TLCD3A: variants seen among roughly 807,000 people sequenced by gnomAD.
TLCD3A encodes TLC domain-containing protein 3A.
Under a neutral mutation model 29.9 loss-of-function variants are expected in TLCD3A, and 17 were observed. The observed-to-expected ratio is 0.57, with a 90% CI of 0.39 to 0.85. The LOEUF (loss-of-function observed/expected upper bound fraction) is 0.85. TLCD3A is among the 40% of genes least tolerant of loss of function. The pLI, the probability that TLCD3A is intolerant of heterozygous loss-of-function variation, is 0.00. For synonymous variants in TLCD3A, 143 were observed against 147.7 expected (o/e 0.97, Z 0.23); for missense variants, 332 against 350.8 (o/e 0.95, Z 0.43).
At chr17:740,247 C>T (rs1000767316) in intron 3 of TLCD3A, among the ~76,000 whole-genome samples, 1 of 152,124 alleles carries the variant, frequency 6.6e-6, no homozygotes, top group Admixed American at 6.5e-5. Flanking sequence ...AGTAGGCTTG[C>T]AGCCTTCCTT....
chr17:735,932 G>A (rs999902515), intron 2 of TLCD3A, among the ~76,000 whole-genome samples: 11 of 142,968 alleles, frequency 7.7e-5, no homozygotes, highest in Admixed American at 2.2e-4. Flanking sequence ...CTGAGATCGC[G>A]CCACTACATC....
intron 2 of TLCD3A, 109 bp downstream of exon 2, chr17:733,290 C>A: frequency 9.5e-7 from 1 of 1,053,822 alleles, no homozygotes; most frequent in Non-Finnish European, 1.3e-6. Context: ...GAAAAGCTGG[C>A]ACCACAATGG....
chr17:740,741 A>T (rs1182055702), intron 4 of TLCD3A, 141 bp downstream of exon 4: 1 of 854,728 alleles, frequency 1.2e-6, no homozygotes, highest in African/African-American at 1.7e-5. Context: ...TCAGGCATGT[A>T]TGAATGAATG....
intron 2 of TLCD3A, among the ~76,000 whole-genome samples, chr17:736,422 C>T (rs896905297): frequency 1.3e-5 from 2 of 152,174 alleles, no homozygotes; most frequent in Admixed American, 1.3e-4. Context: ...TCACAGAAAA[C>T]ATCTGTGGAA....
At chr17:733,247 C>T (rs1974104652) in intron 2 of TLCD3A, 66 bp downstream of exon 2, 4 of 1,376,048 alleles carry the variant, frequency 2.9e-6, no homozygotes, top group African/African-American at 1.5e-5. Flanking sequence ...CTCTGGCTCT[C>T]GCAGCACACG....
intron 3 of TLCD3A, among the ~76,000 whole-genome samples, chr17:738,949 T>G (rs1231370442): frequency 6.6e-6 from 1 of 151,632 alleles, no homozygotes; most frequent in Non-Finnish European, 1.5e-5. Flanking sequence ...CAATACAAGA[T>G]AAAAACAATA....
In TLCD3A at chr17:732,711, G is replaced by A. The variant is rs773825578; in HGVS notation, c.64G>A (p.Ala22Thr). 4 of 1,440,798 alleles carry A rather than the reference G, an allele frequency of 2.8e-6. No individual in the cohort carries two copies. The highest frequency in any genetic ancestry group is 3.0e-5 in the African/African-American group (2 of 67,538). 89.3% of individuals were successfully genotyped at this position (1,440,798 alleles called of 1,614,324 possible). A position where few individuals can be genotyped will look rare whatever the true frequency, so the allele number is the denominator to read the frequency against. Residue 22 changes from alanine (A) to threonine (T), a missense_variant, in exon 1 of 5, where the codon GCG becomes ACG. Physicochemically the swap from Ala to Thr is moderately conservative, Grantham distance 58. Coordinates refer to ENST00000308278, the MANE Select transcript of TLCD3A (RefSeq NM_024792.3). ...GGGGCTCTTCGCGCTCTGCACCTGG[G>A]CGCTGCGCCGCTCCCAGCCCGGATG... ...FPGLFALCTW[A>T]LRRSQPGWSR...
intron 2 of TLCD3A, among the ~76,000 whole-genome samples, chr17:736,313 G>A (rs1597542915): frequency 6.6e-6 from 1 of 152,264 alleles, no homozygotes; most frequent in South Asian, 2.1e-4. Context: ...ACCATAAAAC[G>A]AAATGGTTTT....
At chr17:734,697 T>G (rs1370614252) in intron 2 of TLCD3A, among the ~76,000 whole-genome samples, 1 of 152,138 alleles carries the variant, frequency 6.6e-6, no homozygotes, top group Non-Finnish European at 1.5e-5. Context: ...TCACATAGAA[T>G]GCGATTAGAT....
At chr17:736,909 C>T (rs765867550) in intron 2 of TLCD3A, among the ~76,000 whole-genome samples, 1 of 152,206 alleles carries the variant, frequency 6.6e-6, no homozygotes, top group Non-Finnish European at 1.5e-5. Context: ...CTGCCTTGGC[C>T]TCCCAAAGTG....
chr17:741,894 G>C lies in TLCD3A; in HGVS notation c.*324G>C, dbSNP rs79800777. 1,465 of 389,444 alleles carry C rather than the reference G, an allele frequency of 3.8e-3. 32 individuals are homozygous for C. The East Asian group carries it at 0.055, about 15-fold the overall frequency. 24.1% of individuals were successfully genotyped at this position (389,444 alleles called of 1,614,324 possible). A position where few individuals can be genotyped will look rare whatever the true frequency, so the allele number is the denominator to read the frequency against. On this transcript the variant is annotated 3_prime_UTR_variant, in exon 5 of 5. Transcript: ENST00000308278. ...GGGGTGGGATCGGTGGACCAGGGTG[G>C]TAAGTGTCTGCACATCTGCCTGTCC...
intron 4 of TLCD3A, 61 bp from the exon 5 acceptor site, chr17:741,240 G>C: frequency 7.0e-6 from 11 of 1,580,166 alleles, no homozygotes; most frequent in Non-Finnish European, 9.5e-6. Flanking sequence ...ACTTGGGCCC[G>C]TCGCTCCCTG....
chr17:740,528 C>T lies in TLCD3A; in HGVS notation c.432C>T (p.Asp144=). The T allele has an allele frequency of 1.1e-5, 17 of 1,614,128 alleles. No homozygotes were observed. The highest frequency in any genetic ancestry group is 1.3e-5 in the Non-Finnish European group (15 of 1,179,994). ...AGAGGCTCCGGGGAGACCTTGGGGACTTCTTTGTCGGCTGCATCTTCACGG... is the reference window on the plus strand; with the variant it reads ...AGAGGCTCCGGGGAGACCTTGGGGATTTCTTTGTCGGCTGCATCTTCACGG... ...VAQRLRGDLG[D]FFVGCIFTAE... is the part of the protein sequence containing the mutation. Residue 144 remains aspartate, a synonymous_variant, in exon 4 of 5, where the codon GAC becomes GAT. Coordinates refer to ENST00000308278, the MANE Select transcript of TLCD3A (RefSeq NM_024792.3).
At chr17:739,593 C>T (rs1974217066) in intron 3 of TLCD3A, among the ~76,000 whole-genome samples, 1 of 152,254 alleles carries the variant, frequency 6.6e-6, no homozygotes, top group South Asian at 2.1e-4. Flanking sequence ...CCGTCTCAGC[C>T]TCCCAAAGTG....
intron 4 of TLCD3A, among the ~76,000 whole-genome samples, chr17:740,867 T>G (rs1974242695): frequency 6.6e-6 from 1 of 152,192 alleles, no homozygotes. Context: ...AAATCCCTAG[T>G]GCCAGGAGAG....
In TLCD3A at chr17:741,790, G is replaced by A. The variant is rs986238198; in HGVS notation, c.*220G>A. 20 of 590,922 alleles carry A rather than the reference G, an allele frequency of 3.4e-5. No individual in the cohort carries two copies. The highest frequency in any genetic ancestry group is 2.6e-4 in the East Asian group (9 of 34,254). The allele number at this position is 590,922 out of a possible 1,614,324, so 36.6% of individuals were successfully genotyped here. A position where few individuals can be genotyped will look rare whatever the true frequency, so the allele number is the denominator to read the frequency against. ...CTATTGGGTCCTGTCAGACCTCCACGGACAGCAAAGTGGTTTTAATGCAAG... is the reference window on the plus strand; with the variant it reads ...CTATTGGGTCCTGTCAGACCTCCACAGACAGCAAAGTGGTTTTAATGCAAG... On this transcript the variant is annotated 3_prime_UTR_variant, in exon 5 of 5. Coordinates refer to ENST00000308278, the MANE Select transcript of TLCD3A (RefSeq NM_024792.3).
At chr17:736,038 T>C (rs1974149733) in intron 2 of TLCD3A, among the ~76,000 whole-genome samples, 1 of 148,870 alleles carries the variant, frequency 6.7e-6, no homozygotes, top group East Asian at 2.0e-4. Context: ...CCTACAAGTG[T>C]GTTATACTTG....
intron 2 of TLCD3A, among the ~76,000 whole-genome samples, chr17:735,817 A>C (rs1567769634): frequency 6.6e-6 from 1 of 151,894 alleles, no homozygotes; most frequent in Non-Finnish European, 1.5e-5. Context: ...AAAGAAAAAA[A>C]AAAAGAAAAT....
In TLCD3A at chr17:737,874, T is replaced by C. The variant is rs1035629452; in HGVS notation, c.235T>C (p.Phe79Leu). The C allele has an allele frequency of 7.4e-6, 12 of 1,614,032 alleles. No individual in the cohort carries two copies. The African/African-American group carries it at 1.6e-4, about 22-fold the overall frequency. The stretch of plus-strand genomic sequence containing the variant: ...CTGGCTTGCCCGGGAATATGTGTGG[T>C]TTCTGATTCCATACATGATCTATGA... ...RHWLAREYVW[F>L]LIPYMIYDSY... Residue 79 changes from phenylalanine to leucine, a missense_variant, in exon 3 of 5, where the codon TTT becomes CTT. Transcript: ENST00000308278.
Sources: gnomAD v4.1 joint callset for allele counts (sites outside exome capture counted in the v4.1 genomes callset) on GRCh38, gnomAD v4.1.1 for gene constraint, MANE v1.5 for transcripts, NCBI Gene and HGNC (gene_info 2026-07-23, HGNC 2026-07-21) for gene names.